The following RUFY4 variants were observed in gnomAD, a reference collection of about 807,000 sequenced individuals.
The protein encoded by RUFY4 is RUN and FYVE domain containing 4.
Under a neutral mutation model 69.0 loss-of-function variants are expected in RUFY4, and 73 were observed. The ratio of observed to expected loss-of-function variants is 1.06; its 90% CI spans 0.88 to 1.29. The LOEUF is 1.29. Ranked by LOEUF, RUFY4 falls within the 50% of genes most tolerant of loss-of-function variation. RUFY4 has a pLI of 0.00. For missense variants in RUFY4, 770 were observed against 705.6 expected (o/e 1.09, Z -1.03); for synonymous variants, 287 against 271.8 (o/e 1.06, Z -0.55).
At chr2:218,041,187 C>G (rs1688689618) in intron 2 of RUFY4, among the ~76,000 whole-genome samples, 1 of 152,146 alleles carries the variant, frequency 6.6e-6, no homozygotes, top group South Asian at 2.1e-4. Context: ...TTTTCTTTCT[C>G]AAAGACCTCT....
intron 9 of RUFY4, among the ~76,000 whole-genome samples, chr2:218,087,073 A>G (rs1386525583): frequency 6.6e-6 from 1 of 152,192 alleles, no homozygotes; most frequent in African/African-American, 2.4e-5. Context: ...AATATTATTC[A>G]TTAATTTTTT....
At chr2:218,072,394 G>A (rs1437330275) in exon 3 of RUFY4, 3 of 1,537,244 alleles carry the variant, frequency 2.0e-6, no homozygotes, top group Admixed American at 2.0e-5. Context: ...AAGAGCAGAA[G>A]AGCTTCCTGG....
At chr2:218,074,051 A>G (rs544943161) in intron 6 of RUFY4, 166 bp downstream of exon 8, 6 of 686,892 alleles carry the variant, frequency 8.7e-6, no homozygotes, top group Non-Finnish European at 1.3e-5. Flanking sequence ...GGGGAGCTGC[A>G]GAGGAGGAGA....
At position 218,072,497 on chromosome 2, in the gene RUFY4, A is replaced by AAGGT. The variant is rs1199424759; in HGVS notation, c.279_279+3dup. On this transcript the variant is annotated frameshift_variant and splice_region_variant, in exon 3 of 11. Coordinates refer to ENST00000344321, the Ensembl canonical transcript of RUFY4. LOFTEE classifies it high-confidence loss of function. ...AATCCACTTTGTCCGTTCCCAGGAC[A>AAGGT]AGGTATCCAGGGCCAGGCAGCAAGA... is the stretch of plus-strand genomic sequence containing the variant. 1 of 1,536,904 alleles carries AAGGT rather than the reference A, an allele frequency of 6.5e-7. No individual in the cohort carries two copies. Among genetic ancestry groups the AAGGT allele is most frequent in the East Asian group, 2.4e-5 (1 of 41,050 alleles).
At chr2:218,064,873 A>C (rs1689287428), upstream of RUFY4, among the ~76,000 whole-genome samples, 1 of 149,758 alleles carries the variant, frequency 6.7e-6, no homozygotes, top group Non-Finnish European at 1.5e-5. Flanking sequence ...CCTATCCCCT[A>C]ACCCCATCCC....
chr2:218,050,585 T>G (rs894803639), intron 2 of RUFY4, among the ~76,000 whole-genome samples: 2 of 152,224 alleles, frequency 1.3e-5, no homozygotes, highest in African/African-American at 4.8e-5. Context: ...CTCGCCAAAC[T>G]ACAAAATCCA....
chr2:218,074,797 TA>T (rs1196446899), intron 6 of RUFY4, among the ~76,000 whole-genome samples: 1 of 151,936 alleles, frequency 6.6e-6, no homozygotes, highest in Non-Finnish European at 1.5e-5. Flanking sequence ...GAGAGGAACT[TA>T]GGGGGAACCA....
At chr2:218,074,639 G>A (rs980282218) in intron 6 of RUFY4, among the ~76,000 whole-genome samples, 1 of 152,210 alleles carries the variant, frequency 6.6e-6, no homozygotes, top group African/African-American at 2.4e-5. Flanking sequence ...GGAGCACAGA[G>A]GCTTCTTGAG....
intron 2 of RUFY4, among the ~76,000 whole-genome samples, chr2:218,039,258 A>G (rs1046229746): frequency 6.6e-6 from 1 of 152,160 alleles, no homozygotes; most frequent in African/African-American, 2.4e-5. Context: ...TGGTAGGGCA[A>G]GATTTACACT....
chr2:218,088,929 C>T (rs1404478834), intron 9 of RUFY4, among the ~76,000 whole-genome samples: 1 of 138,388 alleles, frequency 7.2e-6, no homozygotes, highest in East Asian at 2.0e-4. Flanking sequence ...CTCTCCAATC[C>T]TCTCTCTCTC....
chr2:218,056,327 C>T (rs1248952590), intron 2 of RUFY4, among the ~76,000 whole-genome samples: 1 of 151,930 alleles, frequency 6.6e-6, no homozygotes, highest in Non-Finnish European at 1.5e-5. Flanking sequence ...ATGTTAGCCC[C>T]ACACTTCAAG....
intron 3 of RUFY4, chr2:218,060,896 T>G (rs1243972758): frequency 8.9e-6 from 10 of 1,118,546 alleles, no homozygotes; most frequent in Non-Finnish European, 1.2e-5. Flanking sequence ...GTAGGGACAG[T>G]AACAGGAACA....
At chr2:218,075,648 T>A in exon 7 of RUFY4, 1 of 1,511,570 alleles carries the variant, frequency 6.6e-7, no homozygotes, top group African/African-American at 1.4e-5. Context: ...AAAGGAAGAC[T>A]CTACCGTGGA....
intron 7 of RUFY4, 44 bp downstream of exon 9, chr2:218,075,784 G>T: frequency 1.5e-6 from 2 of 1,369,676 alleles, no homozygotes; most frequent in South Asian, 4.9e-5. Flanking sequence ...GCCCCTGTCT[G>T]ACCTGGCCCA....
At chr2:218,073,285 C>A in exon 5 of RUFY4, 4 of 1,554,456 alleles carry the variant, frequency 2.6e-6, no homozygotes, top group Non-Finnish European at 3.5e-6. Context: ...GCCCAGAACG[C>A]CAAGAAGACA....
rs1288540068 is a variant in RUFY4 at position 218,073,242 on chromosome 2, G to A, written c.387-1G>A. On this transcript the variant is annotated splice_acceptor_variant, in intron 4 of 10. Transcript: ENST00000344321. LOFTEE classifies it high-confidence loss of function. ...AAGGGTTCTGATCACTGTTAACACA[G>A]GGAATGGTATGGACCCCGGAGCCCT... The A allele has an allele frequency of 1.3e-6, 2 of 1,550,802 alleles. No homozygotes were observed. The highest frequency in any genetic ancestry group is 1.7e-6 in the Non-Finnish European group (2 of 1,147,040).
intron 2 of RUFY4, among the ~76,000 whole-genome samples, chr2:218,043,931 G>A (rs1688761496): frequency 6.6e-6 from 1 of 152,226 alleles, no homozygotes; most frequent in Non-Finnish European, 1.5e-5. Context: ...TCCAGAAGGG[G>A]GCTGAGGAGG....
chr2:218,061,171 G>A (rs1262118506), intron 3 of RUFY4: 11 of 421,218 alleles, frequency 2.6e-5, no homozygotes, highest in Admixed American at 1.2e-4. Flanking sequence ...GGTAGACATC[G>A]GTGACAGTGG....
At chr2:218,073,287 A>T (rs781519802) in exon 5 of RUFY4, 1 of 1,555,256 alleles carries the variant, frequency 6.4e-7, no homozygotes, top group Non-Finnish European at 8.7e-7. Context: ...CCAGAACGCC[A>T]AGAAGACATC....
Sources: allele counts gnomAD v4.1 joint callset (sites outside exome capture counted in the v4.1 genomes callset), GRCh38; gene constraint gnomAD v4.1.1; transcripts MANE v1.5; gene names NCBI Gene and HGNC (gene_info 2026-07-23, HGNC 2026-07-21).